COG4: variants seen among roughly 807,000 people sequenced by gnomAD.
COG4 encodes the protein component of oligomeric golgi complex 4, also known as conserved oligomeric Golgi complex subunit 4.
A neutral mutation model predicts 95.1 loss-of-function variants in COG4; 65 were observed. The ratio of observed to expected loss-of-function variants is 0.68; its 90% CI spans 0.56 to 0.84. The LOEUF (loss-of-function observed/expected upper bound fraction) is 0.84, where lower values mean the gene tolerates loss of function less well. COG4 is among the 40% of genes least tolerant of loss of function. The pLI, the probability that COG4 is intolerant of heterozygous loss-of-function variation, is 0.00. For synonymous variants in COG4, 421 were observed against 374.8 expected (o/e 1.12, Z -1.42); for missense variants, 1,045 against 989.1 (o/e 1.06, Z -0.76).
At chr16:70,482,003 C>T (rs1002010223) in intron 16 of COG4, 89 bp downstream of exon 16, 11 of 1,366,464 alleles carry the variant, frequency 8.0e-6, no homozygotes, top group East Asian at 2.3e-5. Context: ...TTTCAGGGTC[C>T]CCAGAAGGAA....
At chr16:70,511,532 C>T (rs1359170654) in intron 5 of COG4, among the ~76,000 whole-genome samples, 1 of 149,644 alleles carries the variant, frequency 6.7e-6, no homozygotes, top group Admixed American at 6.7e-5. Context: ...CTGGGTAACA[C>T]AGTGAGACCG....
chr16:70,518,870 G>C lies in COG4; in HGVS notation c.254+779C>G, dbSNP rs373969985. 6.6e-5 allele frequency among the ~76,000 whole-genome samples: 10 copies of C among 151,870 alleles called. No homozygotes were observed. The East Asian group carries it at 1.6e-3, about 24-fold the overall frequency. Reference sequence around the variant, plus strand: ...CACATGCCTGGAATCCCAGCTACTCGAGAGGCTGAGGCAGGAGAATCGCTT... The same window carrying C: ...CACATGCCTGGAATCCCAGCTACTCCAGAGGCTGAGGCAGGAGAATCGCTT... On this transcript the variant is annotated intron_variant, in intron 2 of 18. Coordinates refer to ENST00000323786, the MANE Select transcript of COG4 (RefSeq NM_015386.3).
intron 4 of COG4, 125 bp downstream of exon 4, chr16:70,514,210 A>G (rs2049774231): frequency 1.0e-6 from 1 of 997,698 alleles, no homozygotes. Flanking sequence ...CCGTCTCAAA[A>G]AAAAAGAAGA....
At chr16:70,509,476 G>T in intron 6 of COG4, 88 bp from the exon 7 acceptor site, 1 of 1,456,886 alleles carries the variant, frequency 6.9e-7, no homozygotes, top group East Asian at 2.3e-5. Flanking sequence ...CGAAGGTCTA[G>T]CTCAATCCTT....
chr16:70,506,631 A>G (rs1394624339), intron 8 of COG4, among the ~76,000 whole-genome samples: 4 of 129,716 alleles, frequency 3.1e-5, no homozygotes, highest in South Asian at 5.0e-4. Context: ...AAAAAAAAAC[A>G]TTTAGCTGGG....
chr16:70,498,000 C>T lies in COG4; in HGVS notation c.1251G>A (p.Met417Ile). 3 of 1,613,916 alleles carry T rather than the reference C, an allele frequency of 1.9e-6. No homozygotes were observed. Among genetic ancestry groups the T allele is most frequent in the Admixed American group, 1.7e-5 (1 of 60,016 alleles). ...LLNNCLLSCT[M>I]QELIGLYVTM... ...TAACATATAAGCCAATTAGCTCCTGCATGGTACAGCTCAAAAGGCAGTTAT... is the reference window on the plus strand; with the variant it reads ...TAACATATAAGCCAATTAGCTCCTGTATGGTACAGCTCAAAAGGCAGTTAT... The change falls in exon 10 of 19, where the codon ATG (methionine) becomes ATA (isoleucine). Residue 417 changes from methionine to isoleucine, a missense_variant. Transcript: ENST00000323786.
rs775287564 is a variant in COG4, at chr16:70,523,522, G to A, written c.22C>T (p.Leu8Phe). MGTKMAD[L>F]DSPPKLSGVQ... ...CCTGACAGCTTCGGAGGCGAATCAA[G>A]GTCCGCCATCTTGGTCCCCATTCGG... is the stretch of plus-strand genomic sequence containing the variant. The change falls in exon 1 of 19, where the codon CTT becomes TTT. Residue 8 changes from leucine (L) to phenylalanine (F), a missense_variant. By Grantham distance (22) the Leu-to-Phe change is conservative. Transcript: ENST00000323786. 1.2e-6 allele frequency: 2 copies of A among 1,614,002 alleles called. No individual in the cohort carries two copies. Among genetic ancestry groups the A allele is most frequent in the Admixed American group, 1.7e-5 (1 of 60,004 alleles).
intron 12 of COG4, 115 bp downstream of exon 12, chr16:70,496,151 A>G (rs901878627): frequency 3.6e-5 from 39 of 1,072,352 alleles, no homozygotes; most frequent in Middle Eastern, 2.0e-4. Context: ...TTTTCCTTCT[A>G]TATAGACACT....
rs1391165868 is a variant in COG4, at chr16:70,501,103, G to A, written c.1062-12C>T. The stretch of plus-strand genomic sequence containing the variant: ...TGGGGTCCAGTTCTCTGAGACACAT[G>A]GAGCAGAAGGAATAGGACGACAATG... On this transcript the variant is annotated splice_polypyrimidine_tract_variant and intron_variant, in intron 8 of 18. Transcript: ENST00000323786. 3.7e-6 allele frequency: 6 copies of A among 1,612,290 alleles called. No homozygotes were observed. The highest frequency in any genetic ancestry group is 4.2e-6 in the Non-Finnish European group (5 of 1,179,932).
At chr16:70,508,058 C>T (rs1567388337) in intron 8 of COG4, among the ~76,000 whole-genome samples, 1 of 151,554 alleles carries the variant, frequency 6.6e-6, no homozygotes, top group East Asian at 2.0e-4. Context: ...GTAGCTGGGA[C>T]TACAGGCACG....
intron 8 of COG4, among the ~76,000 whole-genome samples, chr16:70,507,678 T>C (rs551561490): frequency 6.6e-6 from 1 of 152,034 alleles, no homozygotes; most frequent in East Asian, 2.0e-4. Flanking sequence ...CTGGCCATCA[T>C]GGCAAAACCC....
rs941643084 is a variant in COG4, at chr16:70,512,526, G to A, written c.545-94C>T. The A allele has an allele frequency of 5.5e-5, 56 of 1,025,098 alleles. No homozygotes were observed. The African/African-American group carries it at 5.7e-4, about 10-fold the overall frequency. 63.5% of individuals were successfully genotyped at this position (1,025,098 alleles called of 1,614,324 possible). On this transcript the variant is annotated intron_variant, in intron 4 of 18. Coordinates refer to ENST00000323786, the MANE Select transcript of COG4 (RefSeq NM_015386.3). ...GTAATACTATTCATCCAGCAAATAC[G>A]TATTAAGCACTTACCATGTGCAAGA...
chr16:70,480,897 G>T lies in COG4; in HGVS notation c.*113C>A, dbSNP rs1489652568. 6 of 1,275,836 alleles carry T rather than the reference G, an allele frequency of 4.7e-6. No homozygotes were observed. Among genetic ancestry groups the T allele is most frequent in the Non-Finnish European group, 6.7e-6 (6 of 889,222 alleles). 79.0% of individuals were successfully genotyped at this position (1,275,836 alleles called of 1,614,324 possible). Reference sequence around the variant, plus strand: ...TTTCTCTGCTGCCAGCCGTAGAAAGGTCTGGGCTGTCAGATCTCCCCCAAG... The same window carrying T: ...TTTCTCTGCTGCCAGCCGTAGAAAGTTCTGGGCTGTCAGATCTCCCCCAAG... On this transcript the variant is annotated 3_prime_UTR_variant, in exon 19 of 19. Transcript: ENST00000323786.
In COG4 at chr16:70,506,624, A is replaced by AAAAAAAAAAAAG. The variant is rs2049581305; in HGVS notation, c.1061+1781_1061+1782insCTTTTTTTTTTT. On this transcript the variant is annotated intron_variant, in intron 8 of 18. Coordinates refer to ENST00000323786, the MANE Select transcript of COG4 (RefSeq NM_015386.3). ...AAAAAAAAAAAAAAAAAAACAAAAAAAAAAACATTTAGCTGGGAGTGGTGA... is the reference window on the plus strand; with the variant it reads ...AAAAAAAAAAAAAAAAAAACAAAAAAAAAAAAAAAAAGAAAAACATTTAGCTGGGAGTGGTGA... 1.5e-5 allele frequency among the ~76,000 whole-genome samples: 2 copies of AAAAAAAAAAAAG among 129,160 alleles called. 1 individual carries two copies. The highest frequency in any genetic ancestry group is 1.5e-4 in the Admixed American group (2 of 13,204). 84.7% of individuals were successfully genotyped at this position (129,160 alleles called of 152,430 possible).
chr16:70,488,640 G>A (rs553188805), intron 13 of COG4, among the ~76,000 whole-genome samples: 5 of 150,938 alleles, frequency 3.3e-5, no homozygotes, highest in South Asian at 4.2e-4. Context: ...CTCCACCTCC[G>A]GGGTTCAAAC....
chr16:70,508,539 C>T (rs960280960), intron 7 of COG4, 75 bp from the exon 8 acceptor site: 12 of 1,283,308 alleles, frequency 9.4e-6, no homozygotes, highest in Non-Finnish European at 1.4e-5. Flanking sequence ...TCACTCCAAA[C>T]TTTTGGCATA....
intron 12 of COG4, among the ~76,000 whole-genome samples, chr16:70,495,054 G>T (rs888392108): frequency 5.3e-5 from 8 of 152,050 alleles, no homozygotes; most frequent in African/African-American, 1.9e-4. Context: ...TTCTCTCTCT[G>T]CAAGTAACAG....
At chr16:70,512,809 C>T (rs2049739059) in intron 4 of COG4, among the ~76,000 whole-genome samples, 1 of 152,172 alleles carries the variant, frequency 6.6e-6, no homozygotes, top group Non-Finnish European at 1.5e-5. Context: ...GAAACCCTGC[C>T]TCTACTAAAA....
chr16:70,505,609 C>T (rs1172618968), intron 8 of COG4, among the ~76,000 whole-genome samples: 1 of 149,852 alleles, frequency 6.7e-6, no homozygotes, highest in Non-Finnish European at 1.5e-5. Flanking sequence ...GCGGGCAGAT[C>T]ATGAGGTCAG....
Sources: allele counts gnomAD v4.1 joint callset (sites outside exome capture counted in the v4.1 genomes callset), GRCh38; gene constraint gnomAD v4.1.1; transcripts MANE v1.5; gene names NCBI Gene and HGNC (gene_info 2026-07-23, HGNC 2026-07-21).